The following RAD18 variants were observed in gnomAD, a reference collection of about 807,000 sequenced individuals.
RAD18 encodes RAD18 E3 ubiquitin protein ligase, also known as E3 ubiquitin-protein ligase RAD18.
In RAD18, 47 loss-of-function variants were observed where a neutral mutation model predicts 60.4. That is an observed-to-expected ratio of 0.78 (90% CI 0.62 to 0.99). The LOEUF (loss-of-function observed/expected upper bound fraction) is 0.99. RAD18 is among the 50% of genes least tolerant of loss of function. The probability of loss-of-function intolerance (pLI) is 0.00; values close to 1 mark genes in which losing one functional copy is unlikely to be tolerated. For missense variants in RAD18, 640 were observed against 593.3 expected (o/e 1.08, Z -0.82); for synonymous variants, 225 against 195.5 (o/e 1.15, Z -1.26).
chr3:8,902,792 C>T (rs1213489501), intron 9 of RAD18, among the ~76,000 whole-genome samples: 2 of 151,588 alleles, frequency 1.3e-5, no homozygotes, highest in African/African-American at 2.4e-5. Context: ...TTTGGGAGGC[C>T]GAAGTAGGTG....
Position 8,935,888 on chromosome 3 carries a change from G to T in RAD18, c.872C>A (p.Ala291Asp), listed in dbSNP as rs759791389. ...FVHMYNAQCD[A>D]LHPKSAAEIV... is the part of the protein sequence containing the mutation. ...TACTTTACCTGATTTAGGATGCAAA[G>T]CATCGCATTGGGCATTGTACATGTG... Residue 291 changes from alanine to aspartate, a missense_variant, in exon 7 of 13, where the codon GCT becomes GAT. Coordinates refer to ENST00000264926, the MANE Select transcript of RAD18 (RefSeq NM_020165.4). 1.3e-6 allele frequency: 2 copies of T among 1,590,320 alleles called. No individual in the cohort carries two copies. The highest frequency in any genetic ancestry group is 2.3e-5 in the South Asian group (2 of 86,074).
At chr3:8,908,204 A>C (rs940242709) in intron 9 of RAD18, among the ~76,000 whole-genome samples, 1 of 152,084 alleles carries the variant, frequency 6.6e-6, no homozygotes, top group African/African-American at 2.4e-5. Context: ...GAGTGATTAA[A>C]GGAACCCATT....
At chr3:8,958,115 T>C (rs1941040655) in intron 2 of RAD18, among the ~76,000 whole-genome samples, 1 of 152,090 alleles carries the variant, frequency 6.6e-6, no homozygotes, top group Non-Finnish European at 1.5e-5. Context: ...TTTTCAAGAG[T>C]CAAGCCCAAG....
chr3:8,958,276 A>G (rs889982166), intron 2 of RAD18, among the ~76,000 whole-genome samples: 29 of 152,374 alleles, frequency 1.9e-4, no homozygotes, highest in Non-Finnish European at 3.8e-4. Flanking sequence ...CAACTTGAAA[A>G]TAGAGGACAA....
chr3:8,952,519 C>CT (rs1419780627), intron 2 of RAD18, among the ~76,000 whole-genome samples: 1 of 152,074 alleles, frequency 6.6e-6, no homozygotes, highest in Non-Finnish European at 1.5e-5. Context: ...AAATCACATT[C>CT]TTAATATGTA....
intron 1 of RAD18, among the ~76,000 whole-genome samples, chr3:8,959,330 T>A (rs986482920): frequency 1.3e-5 from 2 of 152,214 alleles, no homozygotes; most frequent in South Asian, 4.1e-4. Flanking sequence ...CAGCTCTTAC[T>A]CCAAGCCTCC....
At chr3:8,897,052 C>T (rs1326044585) in intron 11 of RAD18, among the ~76,000 whole-genome samples, 1 of 152,114 alleles carries the variant, frequency 6.6e-6, no homozygotes, top group African/African-American at 2.4e-5. Context: ...TTTGTGCTTA[C>T]ATTTAACTTA....
At chr3:8,891,235 G>C (rs1186828296) in intron 11 of RAD18, among the ~76,000 whole-genome samples, 1 of 152,002 alleles carries the variant, frequency 6.6e-6, no homozygotes, top group Non-Finnish European at 1.5e-5. Flanking sequence ...GGAGGATCAC[G>C]TAGTTCTGGG....
At chr3:8,960,703 T>C (rs943409505) in intron 1 of RAD18, among the ~76,000 whole-genome samples, 4 of 152,326 alleles carry the variant, frequency 2.6e-5, no homozygotes, top group Admixed American at 1.3e-4. Context: ...AAATAAAGTC[T>C]ACAGAGTTCC....
At chr3:8,898,837 T>C in intron 11 of RAD18, 57 bp downstream of exon 11, 2 of 1,383,840 alleles carry the variant, frequency 1.4e-6, no homozygotes, top group Admixed American at 4.4e-5. Context: ...TGCCTATCTA[T>C]CTACATGTGC....
chr3:8,959,094 T>C, intron 1 of RAD18, 93 bp from the exon 2 acceptor site: 1 of 920,500 alleles, frequency 1.1e-6, no homozygotes, highest in Non-Finnish European at 1.8e-6. Flanking sequence ...AAAAAAAAAA[T>C]CAAACTCTTT....
intron 12 of RAD18, 128 bp downstream of exon 12, chr3:8,890,261 C>A: frequency 1.4e-6 from 1 of 689,874 alleles, no homozygotes; most frequent in Non-Finnish European, 2.5e-6. Context: ...AAAATCTTTA[C>A]CTTGCATGAG....
chr3:8,892,704 T>C (rs1939713895), intron 11 of RAD18, among the ~76,000 whole-genome samples: 2 of 152,218 alleles, frequency 1.3e-5, no homozygotes, highest in African/African-American at 4.8e-5. Flanking sequence ...TCTTCGCATA[T>C]TCCTTTTGTA....
At chr3:8,942,270 A>G (rs1442148953) in intron 4 of RAD18, among the ~76,000 whole-genome samples, 1 of 152,006 alleles carries the variant, frequency 6.6e-6, no homozygotes, top group African/African-American at 2.4e-5. Flanking sequence ...TTCTCATGAG[A>G]TCTGTTTTAA....
At chr3:8,936,297 G>T (rs446596) in intron 6 of RAD18, among the ~76,000 whole-genome samples, 2 of 151,908 alleles carry the variant, frequency 1.3e-5, no homozygotes, top group Non-Finnish European at 2.9e-5. Flanking sequence ...GAGAGACTTG[G>T]GTCTCAAAAA....
intron 2 of RAD18, among the ~76,000 whole-genome samples, chr3:8,956,247 T>C (rs887144439): frequency 3.9e-5 from 6 of 152,212 alleles, no homozygotes; most frequent in Non-Finnish European, 8.8e-5. Flanking sequence ...TCTTGTGCTT[T>C]GGGGCTACTA....
intron 7 of RAD18, among the ~76,000 whole-genome samples, chr3:8,923,575 T>C (rs1174133338): frequency 6.6e-6 from 1 of 151,908 alleles, no homozygotes; most frequent in Non-Finnish European, 1.5e-5. Flanking sequence ...GCCACAGAGA[T>C]ACTCCTCGAG....
chr3:8,958,855 T>C, intron 2 of RAD18, 65 bp downstream of exon 2: 1 of 1,269,052 alleles, frequency 7.9e-7, no homozygotes, highest in Non-Finnish European at 1.2e-6. Context: ...ATCTTTGGTG[T>C]TAAATTAACA....
chr3:8,951,819 T>C (rs1940930104), intron 2 of RAD18, among the ~76,000 whole-genome samples: 2 of 152,326 alleles, frequency 1.3e-5, no homozygotes, highest in Admixed American at 1.3e-4. Context: ...CAGAAATTGT[T>C]TTCTCATGGT....
Sources: allele counts gnomAD v4.1 joint callset (sites outside exome capture counted in the v4.1 genomes callset), GRCh38; gene constraint gnomAD v4.1.1; transcripts MANE v1.5; gene names NCBI Gene and HGNC (gene_info 2026-07-23, HGNC 2026-07-21).